The following KANSL1 variants were observed in gnomAD, a reference collection of about 807,000 sequenced individuals.
KANSL1 encodes MLL1/MLL complex subunit KANSL1.
Under a neutral mutation model 103.6 loss-of-function variants are expected in KANSL1, and 22 were observed. The ratio of observed to expected loss-of-function variants is 0.21; its 90% CI spans 0.15 to 0.30. KANSL1 has a LOEUF of 0.30. Ranked by LOEUF, KANSL1 falls within the 10% of genes least tolerant of loss-of-function variation. KANSL1 has a pLI of 1.00. For synonymous variants in KANSL1, 600 were observed against 527.6 expected (o/e 1.14, Z -1.88); for missense variants, 1,337 against 1,399.8 (o/e 0.96, Z 0.72).
chr17:46,151,433 T>A (rs2045096142), intron 2 of KANSL1, among the ~76,000 whole-genome samples: 1 of 152,232 alleles, frequency 6.6e-6, no homozygotes, highest in African/African-American at 2.4e-5. Context: ...CAGAGAGGCT[T>A]TCCCTGACCA....
intron 2 of KANSL1, among the ~76,000 whole-genome samples, chr17:46,116,250 G>A (rs1440706341): frequency 1.3e-5 from 2 of 152,230 alleles, no homozygotes; most frequent in Non-Finnish European, 2.9e-5. Flanking sequence ...AACCATTACT[G>A]CGGGGCGCAG....
At chr17:46,219,790 C>T (rs1264445305) in intron 1 of KANSL1, among the ~76,000 whole-genome samples, 1 of 152,248 alleles carries the variant, frequency 6.6e-6, no homozygotes, top group Non-Finnish European at 1.5e-5. Context: ...GCGTGTGTAT[C>T]CCCTCAACCA....
intron 3 of KANSL1, among the ~76,000 whole-genome samples, chr17:46,085,465 C>T (rs1356260731): frequency 6.6e-6 from 1 of 152,126 alleles, no homozygotes; most frequent in Non-Finnish European, 1.5e-5. Flanking sequence ...TCTTATGCCA[C>T]ATTATTTATT....
intron 10 of KANSL1, among the ~76,000 whole-genome samples, chr17:46,036,381 T>G (rs2077149164): frequency 6.6e-6 from 1 of 152,178 alleles, no homozygotes; most frequent in Non-Finnish European, 1.5e-5. Flanking sequence ...AGCTGGCCCT[T>G]TGTATCCATG....
intron 6 of KANSL1, among the ~76,000 whole-genome samples, chr17:46,057,153 A>G (rs548569353): frequency 6.6e-6 from 1 of 152,336 alleles, no homozygotes; most frequent in African/African-American, 2.4e-5. Context: ...CTCAAAGACT[A>G]TTGTCAAGAA....
chr17:46,193,143 G>C lies in KANSL1; in HGVS notation c.-410C>G, dbSNP rs558812056. 6.6e-6 allele frequency: 1 copy of C among 152,392 alleles called. No homozygotes were observed. The highest frequency in any genetic ancestry group is 1.5e-5 in the Non-Finnish European group (1 of 68,448). The allele number at this position is 152,392 out of a possible 1,614,324, so 9.4% of individuals were successfully genotyped here. A position where few individuals can be genotyped will look rare whatever the true frequency, so the allele number is the denominator to read the frequency against. On this transcript the variant is annotated 5_prime_UTR_variant, in exon 1 of 15. Coordinates refer to ENST00000432791, the MANE Select transcript of KANSL1 (RefSeq NM_015443.4). ...AGACCGCAGCCCGGCCGGGAGGGCG[G>C]GCGGGCGGGGGCAGAGAGTGAAACC...
intron 2 of KANSL1, among the ~76,000 whole-genome samples, chr17:46,129,598 G>C (rs1194003410): frequency 6.6e-6 from 1 of 152,226 alleles, no homozygotes; most frequent in Non-Finnish European, 1.5e-5. Context: ...TGATAAATCA[G>C]TCAGAGTGTG....
chr17:46,052,742 A>G (rs2077755530), intron 6 of KANSL1, among the ~76,000 whole-genome samples: 1 of 150,554 alleles, frequency 6.6e-6, no homozygotes, highest in African/African-American at 2.5e-5. Flanking sequence ...GGAGTCTGAG[A>G]CTAGCCTGGG....
intron 7 of KANSL1, chr17:46,042,742 C>T (rs1484418679): frequency 6.8e-6 from 1 of 146,094 alleles, no homozygotes; most frequent in African/African-American, 2.6e-5. Flanking sequence ...CCTTCGAGGA[C>T]TGAATGTTAG....
intron 1 of KANSL1, among the ~76,000 whole-genome samples, chr17:46,218,502 A>T (rs1018372721): frequency 1.3e-5 from 2 of 152,156 alleles, no homozygotes; most frequent in Admixed American, 6.6e-5. Flanking sequence ...TTACAATAAG[A>T]GCTGGCGTGG....
intron 2 of KANSL1, among the ~76,000 whole-genome samples, chr17:46,143,497 A>AAAAT (rs67732273): frequency 4.3e-4 from 65 of 151,794 alleles, no homozygotes; most frequent in South Asian, 1.0e-3. Context: ...TTCGTCTCAA[A>AAAAT]AAATAAATAA....
intron 2 of KANSL1, among the ~76,000 whole-genome samples, chr17:46,140,720 G>C (rs2044376496): frequency 6.6e-6 from 1 of 152,118 alleles, no homozygotes; most frequent in South Asian, 2.1e-4. Flanking sequence ...CTTTAGAAAT[G>C]AGCAAAGGAT....
rs540428947 is a variant in KANSL1, at chr17:46,184,093, TATTTA to T, written c.-90+8725_-90+8729del. On this transcript the variant is annotated intron_variant, in intron 1 of 14. Transcript: ENST00000432791. Reference sequence around the variant, plus strand: ...TCACCAACTTACTTTTTACCATAAATATTTAATTTAAACATCTACTAAATGCCAGA... The same window carrying T: ...TCACCAACTTACTTTTTACCATAAATATTTAAACATCTACTAAATGCCAGA... 2.4e-4 allele frequency among the ~76,000 whole-genome samples: 37 copies of T among 152,352 alleles called. 2 individuals are homozygous for T. The highest frequency in any genetic ancestry group is 2.2e-3 in the Admixed American group (33 of 15,304).
At chr17:46,136,212 G>T (rs542221310) in intron 2 of KANSL1, among the ~76,000 whole-genome samples, 4 of 152,196 alleles carry the variant, frequency 2.6e-5, no homozygotes, top group East Asian at 1.9e-4. Flanking sequence ...GTCACAAAAA[G>T]ACCTTAATTT....
intron 1 of KANSL1, among the ~76,000 whole-genome samples, chr17:46,180,007 T>C (rs1310812235): frequency 6.6e-6 from 1 of 151,268 alleles, no homozygotes. Context: ...GAGGTTGCAG[T>C]GAGCTGAGAT....
chr17:46,150,065 C>CAA (rs61494872), intron 2 of KANSL1, among the ~76,000 whole-genome samples: 11,072 of 107,248 alleles, frequency 0.1, 12 homozygotes, highest in Non-Finnish European at 0.15. Context: ...CTTTCCTTAC[C>CAA]AAAAAAAAAA....
At chr17:46,159,704 T>C (rs550517222) in intron 2 of KANSL1, among the ~76,000 whole-genome samples, 1 of 152,338 alleles carries the variant, frequency 6.6e-6, no homozygotes, top group East Asian at 1.9e-4. Context: ...CCTTCATAAC[T>C]CAAAAGAGCT....
chr17:46,098,152 T>C (rs1208488027), intron 2 of KANSL1, among the ~76,000 whole-genome samples: 1 of 149,910 alleles, frequency 6.7e-6, no homozygotes, highest in Non-Finnish European at 1.5e-5. Context: ...GGGATCATTC[T>C]TGAACAACAA....
intron 6 of KANSL1, among the ~76,000 whole-genome samples, chr17:46,062,095 A>C (rs1394866144): frequency 8.4e-5 from 5 of 59,560 alleles, no homozygotes; most frequent in African/African-American, 2.8e-4. Context: ...CCGACTCAAA[A>C]AAAAAAAAAA....
Sources: gnomAD v4.1 joint callset for allele counts (sites outside exome capture counted in the v4.1 genomes callset) on GRCh38, gnomAD v4.1.1 for gene constraint, MANE v1.5 for transcripts, NCBI Gene and HGNC (gene_info 2026-07-23, HGNC 2026-07-21) for gene names.